SPEF2: variants seen among roughly 807,000 people sequenced by gnomAD.
The protein encoded by SPEF2 is sperm flagellar and cilia associated 2.
A neutral mutation model predicts 224.6 loss-of-function variants in SPEF2; 187 were observed. The observed-to-expected ratio is 0.83, with a 90% CI of 0.74 to 0.94. The LOEUF (loss-of-function observed/expected upper bound fraction) is 0.94. Among genes scored for constraint, SPEF2 ranks in the 40% least tolerant of loss-of-function variants. The probability of loss-of-function intolerance (pLI) is 0.00; values close to 1 mark genes in which losing one functional copy is unlikely to be tolerated. For synonymous variants in SPEF2, 715 were observed against 707.3 expected (o/e 1.01, Z -0.17); for missense variants, 2,170 against 2,135.6 (o/e 1.02, Z -0.32).
At position 35,759,005 on chromosome 5, in the gene SPEF2, C is replaced by CAAAAAAA. The variant is rs57893412; in HGVS notation, c.3469-547_3469-541dup. Among the ~76,000 whole-genome samples, 146 of 51,020 alleles carry CAAAAAAA rather than the reference C, an allele frequency of 2.9e-3. 5 individuals are homozygous for CAAAAAAA. The highest frequency in any genetic ancestry group is 0.025 in the Middle Eastern group (1 of 40). 33.5% of individuals were successfully genotyped at this position (51,020 alleles called of 152,430 possible). On this transcript the variant is annotated intron_variant, in intron 24 of 36. Coordinates refer to ENST00000356031, the MANE Select transcript of SPEF2 (RefSeq NM_024867.4). The stretch of plus-strand genomic sequence containing the variant: ...TGGGTGATAGAGCAAGACTCTGTCT[C>CAAAAAAA]AAAAAAAAAAAAAAAAAAAAAAGTA...
intron 20 of SPEF2, among the ~76,000 whole-genome samples, chr5:35,726,174 G>A (rs934394849): frequency 1.3e-5 from 2 of 152,134 alleles, no homozygotes; most frequent in South Asian, 2.1e-4. Context: ...TTACACAAAA[G>A]TTGTATGGAA....
intron 23 of SPEF2, among the ~76,000 whole-genome samples, chr5:35,750,315 C>T (rs752884837): frequency 1.6e-4 from 24 of 152,088 alleles, no homozygotes; most frequent in Non-Finnish European, 3.5e-4. Context: ...GACCAAAAAC[C>T]CAAAAGCAAA....
intron 19 of SPEF2, among the ~76,000 whole-genome samples, chr5:35,711,966 G>C (rs13357738): frequency 0.04 from 6,080 of 152,200 alleles, 203 homozygotes; most frequent in African/African-American, 0.078. Context: ...GCAGGATGTA[G>C]TGAATTTTTT....
At position 35,716,191 on chromosome 5, in the gene SPEF2, T is replaced by C. The variant is rs543316525; in HGVS notation, c.2914+3305T>C. Reference sequence around the variant, plus strand: ...ATAACCATGATTCTCAAAGAGAATCTCACCCTTCTCTAATTATATGATATG... The same window carrying C: ...ATAACCATGATTCTCAAAGAGAATCCCACCCTTCTCTAATTATATGATATG... On this transcript the variant is annotated intron_variant, in intron 20 of 36. Transcript: ENST00000356031. Among the ~76,000 whole-genome samples, 3 of 152,078 alleles carry C rather than the reference T, an allele frequency of 2.0e-5. No homozygotes were observed. In the South Asian group the frequency reaches 6.2e-4, roughly 32 times the overall value.
chr5:35,686,683 T>G (rs576597319), intron 10 of SPEF2, among the ~76,000 whole-genome samples: 7 of 152,128 alleles, frequency 4.6e-5, no homozygotes, highest in Non-Finnish European at 8.8e-5. Flanking sequence ...ATATGGTACA[T>G]CATTGCTTTA....
intron 36 of SPEF2, among the ~76,000 whole-genome samples, chr5:35,808,782 AT>A (rs1285243745): frequency 2.7e-5 from 4 of 147,770 alleles, no homozygotes; most frequent in Non-Finnish European, 6.0e-5. Flanking sequence ...ACACATATAT[AT>A]GTATATATGT....
At chr5:35,772,758 G>A (rs1389043992) in intron 27 of SPEF2, among the ~76,000 whole-genome samples, 2 of 152,148 alleles carry the variant, frequency 1.3e-5, no homozygotes. Flanking sequence ...CACTGTTGGG[G>A]TCTGATCCCT....
chr5:35,771,538 T>C, intron 26 of SPEF2, 71 bp from the exon 27 acceptor site: 2 of 1,539,952 alleles, frequency 1.3e-6, no homozygotes, highest in South Asian at 1.3e-5. Context: ...AATTTAGTAA[T>C]GACTACATCC....
intron 17 of SPEF2, 85 bp downstream of exon 17, chr5:35,704,747 G>T (rs1020019403): frequency 1.2e-6 from 1 of 800,968 alleles, no homozygotes; most frequent in Non-Finnish European, 2.1e-6. Context: ...AGATCTAGAA[G>T]AATATCTATT....
At chr5:35,770,118 C>T (rs1038019725) in intron 26 of SPEF2, among the ~76,000 whole-genome samples, 7 of 151,602 alleles carry the variant, frequency 4.6e-5, no homozygotes, top group East Asian at 1.9e-4. Context: ...AAACAACCTT[C>T]GCCTCCCCAG....
intron 26 of SPEF2, among the ~76,000 whole-genome samples, chr5:35,770,854 C>T (rs772052882): frequency 6.6e-6 from 1 of 151,570 alleles, no homozygotes; most frequent in African/African-American, 2.4e-5. Flanking sequence ...TGAAAGGAGG[C>T]ACTTGGTGGA....
At chr5:35,734,300 C>T (rs1343339726) in intron 21 of SPEF2, among the ~76,000 whole-genome samples, 1 of 152,150 alleles carries the variant, frequency 6.6e-6, no homozygotes, top group East Asian at 1.9e-4. Flanking sequence ...ACATTCCCAC[C>T]ACAGTGCCTT....
intron 20 of SPEF2, among the ~76,000 whole-genome samples, chr5:35,720,438 T>G (rs1002866941): frequency 6.6e-6 from 1 of 152,184 alleles, no homozygotes; most frequent in African/African-American, 2.4e-5. Flanking sequence ...TTTATTCCAG[T>G]GTCACAATCT....
intron 18 of SPEF2, among the ~76,000 whole-genome samples, chr5:35,707,049 C>G (rs1241925884): frequency 6.6e-6 from 1 of 152,272 alleles, no homozygotes; most frequent in African/African-American, 2.4e-5. Context: ...TTAATAGACT[C>G]AGTTATCACT....
chr5:35,668,647 A>G (rs1311985923), intron 9 of SPEF2, among the ~76,000 whole-genome samples: 1 of 152,148 alleles, frequency 6.6e-6, no homozygotes, highest in African/African-American at 2.4e-5. Context: ...TATTACAATC[A>G]GGAGACACTG....
chr5:35,661,793 A>G (rs972772835), intron 8 of SPEF2, among the ~76,000 whole-genome samples: 5 of 152,114 alleles, frequency 3.3e-5, no homozygotes, highest in African/African-American at 4.8e-5. Context: ...TCCATGGTGT[A>G]TATATACCAC....
intron 7 of SPEF2, among the ~76,000 whole-genome samples, chr5:35,657,807 C>G (rs943936791): frequency 6.6e-6 from 1 of 152,164 alleles, no homozygotes; most frequent in African/African-American, 2.4e-5. Context: ...AAGGTTTGCC[C>G]CAAGTCAGTT....
intron 36 of SPEF2, chr5:35,807,556 G>C: frequency 7.9e-7 from 1 of 1,271,226 alleles, no homozygotes; most frequent in Non-Finnish European, 1.1e-6. Flanking sequence ...TGGAGAATAA[G>C]ATTCCTCCTG....
chr5:35,716,494 A>G (rs1026531646), intron 20 of SPEF2, among the ~76,000 whole-genome samples: 1 of 152,172 alleles, frequency 6.6e-6, no homozygotes, highest in Non-Finnish European at 1.5e-5. Context: ...AGCATCCTTA[A>G]TAAAAGCATA....
Sources: gnomAD v4.1 joint callset for allele counts (sites outside exome capture counted in the v4.1 genomes callset) on GRCh38, gnomAD v4.1.1 for gene constraint, MANE v1.5 for transcripts, NCBI Gene and HGNC (gene_info 2026-07-23, HGNC 2026-07-21) for gene names.